The following PRKACB variants were observed in gnomAD, a reference collection of about 807,000 sequenced individuals.
PRKACB encodes cAMP-dependent protein kinase catalytic subunit beta.
In PRKACB, 16 loss-of-function variants were observed where a neutral mutation model predicts 51.4. That is an observed-to-expected ratio of 0.31 (90% CI 0.21 to 0.47). The LOEUF is 0.47. Ranked by LOEUF, PRKACB falls within the 20% of genes least tolerant of loss-of-function variation. The pLI is 1.00. For synonymous variants in PRKACB, 147 were observed against 154.4 expected (o/e 0.95, Z 0.35); for missense variants, 309 against 464.5 (o/e 0.67, Z 3.08).
intron 1 of PRKACB, among the ~76,000 whole-genome samples, chr1:84,153,817 A>C (rs1407094876): frequency 6.6e-6 from 1 of 152,162 alleles, no homozygotes; most frequent in Non-Finnish European, 1.5e-5. Flanking sequence ...TCTTGTGAAT[A>C]ATGCTGTAAT....
intron 9 of PRKACB, among the ~76,000 whole-genome samples, chr1:84,221,900 G>A (rs1160516030): frequency 1.3e-5 from 2 of 152,056 alleles, no homozygotes; most frequent in African/African-American, 4.8e-5. Flanking sequence ...TGTGTATTCT[G>A]CAACTATTGG....
intron 1 of PRKACB, among the ~76,000 whole-genome samples, chr1:84,176,329 T>G (rs1661247795): frequency 6.6e-6 from 1 of 151,836 alleles, no homozygotes; most frequent in Non-Finnish European, 1.5e-5. Context: ...AGAAATTTTT[T>G]AAATAACCAG....
chr1:84,164,280 A>G (rs1421742635), intron 1 of PRKACB: 2 of 1,487,586 alleles, frequency 1.3e-6, no homozygotes, highest in Non-Finnish European at 1.8e-6. Context: ...AATAAGATTC[A>G]TCGCCAATAG....
At chr1:84,232,605 G>T (rs1675902999) in intron 9 of PRKACB, among the ~76,000 whole-genome samples, 1 of 152,088 alleles carries the variant, frequency 6.6e-6, no homozygotes, top group African/African-American at 2.4e-5. Context: ...CCTGTATTGG[G>T]TGCATATATA....
chr1:84,164,568 G>A (rs1656788752), intron 1 of PRKACB: 1 of 1,400,562 alleles, frequency 7.1e-7, no homozygotes, highest in East Asian at 2.5e-5. Context: ...GTGGATTAAA[G>A]CTTTAGAAAA....
At chr1:84,190,904 A>G (rs114217333) in intron 5 of PRKACB, among the ~76,000 whole-genome samples, 1 of 151,610 alleles carries the variant, frequency 6.6e-6, no homozygotes, top group South Asian at 2.1e-4. Flanking sequence ...CCATCCCTTT[A>G]CTTTGAGCTT....
intron 1 of PRKACB, among the ~76,000 whole-genome samples, chr1:84,109,124 A>C (rs1018022765): frequency 6.6e-6 from 1 of 151,954 alleles, no homozygotes; most frequent in African/African-American, 2.4e-5. Flanking sequence ...CATTGTGTGA[A>C]TATGTCACAG....
intron 1 of PRKACB, among the ~76,000 whole-genome samples, chr1:84,093,300 C>G (rs558571850): frequency 6.6e-6 from 1 of 151,514 alleles, no homozygotes; most frequent in East Asian, 1.9e-4. Flanking sequence ...TCTGTGTATG[C>G]GCTTCTGTGT....
At chr1:84,110,386 G>GTA (rs199834863) in intron 1 of PRKACB, among the ~76,000 whole-genome samples, 6,699 of 151,210 alleles carry the variant, frequency 0.044, 223 homozygotes, top group Non-Finnish European at 0.066. Flanking sequence ...ATATATGTAA[G>GTA]TATATATATA....
At chr1:84,169,929 T>C (rs556682696) in intron 1 of PRKACB, among the ~76,000 whole-genome samples, 2 of 151,750 alleles carry the variant, frequency 1.3e-5, no homozygotes, top group African/African-American at 4.8e-5. Context: ...AATGCAAAAT[T>C]GGAGACTAGA....
At chr1:84,102,278 T>C (rs929371815) in intron 1 of PRKACB, among the ~76,000 whole-genome samples, 2 of 151,892 alleles carry the variant, frequency 1.3e-5, no homozygotes, top group African/African-American at 4.8e-5. Flanking sequence ...TCCCAGCTGC[T>C]TGGGAGGCTA....
chr1:84,195,871 C>G (rs1668091782), intron 5 of PRKACB, among the ~76,000 whole-genome samples: 2 of 150,732 alleles, frequency 1.3e-5, no homozygotes, highest in South Asian at 2.1e-4. Context: ...CAAGATTGTG[C>G]CACTGCACTC....
intron 9 of PRKACB, among the ~76,000 whole-genome samples, chr1:84,232,038 G>T (rs1185164155): frequency 6.6e-6 from 1 of 151,342 alleles, no homozygotes; most frequent in Non-Finnish European, 1.5e-5. Context: ...GATCTTTCCT[G>T]CTTTCTCTTG....
intron 9 of PRKACB, among the ~76,000 whole-genome samples, chr1:84,215,595 A>G (rs796102186): frequency 3.7e-4 from 57 of 152,318 alleles, no homozygotes; most frequent in African/African-American, 1.3e-3. Context: ...TACCACCATA[A>G]TAAAATAGAG....
intron 1 of PRKACB, among the ~76,000 whole-genome samples, chr1:84,088,552 G>T (rs1424573758): frequency 6.6e-6 from 1 of 152,112 alleles, no homozygotes; most frequent in Non-Finnish European, 1.5e-5. Flanking sequence ...TCTTTTACAG[G>T]GGCTAGCTCT....
At chr1:84,235,105 A>C in intron 9 of PRKACB, 75 bp from the exon 10 acceptor site, 1 of 1,468,274 alleles carries the variant, frequency 6.8e-7, no homozygotes, top group Non-Finnish European at 9.3e-7. Flanking sequence ...GTGGGAATTT[A>C]TTTTTCTTGG....
chr1:84,101,661 C>T (rs183061084), intron 1 of PRKACB, among the ~76,000 whole-genome samples: 2 of 152,220 alleles, frequency 1.3e-5, no homozygotes, highest in East Asian at 3.9e-4. Flanking sequence ...ATTATAAATA[C>T]AAGAGCCTTG....
At chr1:84,184,866 T>C (rs1664633022) in intron 4 of PRKACB, among the ~76,000 whole-genome samples, 1 of 151,908 alleles carries the variant, frequency 6.6e-6, no homozygotes, top group Non-Finnish European at 1.5e-5. Flanking sequence ...AGATGTTCTC[T>C]GCAAGAAAAG....
Position 84,093,190 on chromosome 1 carries a change from A to AT in PRKACB, c.46+14823dup, listed in dbSNP as rs541564238. On this transcript the variant is annotated intron_variant, in intron 1 of 8. Coordinates refer to the PRKACB transcript ENST00000370688. ...TTCTCACTACCCTAGGGTCATAGAT[A>AT]TTTTCCTATGTTAGGTTTAGAAGCT... Among the ~76,000 whole-genome samples, 83 of 151,598 alleles carry AT rather than the reference A, an allele frequency of 5.5e-4. 1 individual carries two copies. The South Asian group carries it at 0.017, about 30-fold the overall frequency.
Sources: allele counts gnomAD v4.1 joint callset (sites outside exome capture counted in the v4.1 genomes callset), GRCh38; gene constraint gnomAD v4.1.1; transcripts MANE v1.5; gene names NCBI Gene and HGNC (gene_info 2026-07-23, HGNC 2026-07-21).